The following POF1B variants were observed in gnomAD, a reference collection of about 807,000 sequenced individuals.
The protein encoded by POF1B is POF1B actin binding protein.
Under a neutral mutation model 55.3 loss-of-function variants are expected in POF1B, and 53 were observed. The ratio of observed to expected loss-of-function variants is 0.96; its 90% CI spans 0.77 to 1.20. The LOEUF (loss-of-function observed/expected upper bound fraction) is 1.20. Among genes scored for constraint, POF1B ranks in the 50% most tolerant of loss-of-function variants. The pLI is 0.00. For synonymous variants in POF1B, 188 were observed against 148.3 expected (o/e 1.27, Z -1.95); for missense variants, 478 against 420.5 (o/e 1.14, Z -1.20).
intron 9 of POF1B, among the ~76,000 whole-genome samples, chrX:85,310,980 A>T (rs1261972354): frequency 8.9e-6 from 1 of 111,851 alleles, no homozygotes; most frequent in Admixed American, 9.5e-5. Flanking sequence ...TAAATTCTAT[A>T]TGCAGTGAAA....
chrX:85,315,757 A>G (rs748219895), intron 7 of POF1B, 23 bp from the exon 8 acceptor site: 2 of 1,153,524 alleles, frequency 1.7e-6, no homozygotes, highest in Non-Finnish European at 1.2e-6. Flanking sequence ...AAAAAAAGAT[A>G]CACAACTTTA....
At chrX:85,360,220 G>A (rs988350559) in intron 3 of POF1B, among the ~76,000 whole-genome samples, 5 of 107,055 alleles carry the variant, frequency 4.7e-5, no homozygotes, top group African/African-American at 1.7e-4. Flanking sequence ...GTAAATTCAC[G>A]TCACAGGGGT....
At chrX:85,315,500 A>T (rs953517478) in intron 8 of POF1B, among the ~76,000 whole-genome samples, 1 of 110,938 alleles carries the variant, frequency 9.0e-6, no homozygotes, top group Non-Finnish European at 1.9e-5. Flanking sequence ...GCTGATAACA[A>T]TTTTTTTGTG....
intron 3 of POF1B, among the ~76,000 whole-genome samples, chrX:85,364,712 T>C (rs964732850): frequency 6.3e-5 from 7 of 111,578 alleles, no homozygotes; most frequent in African/African-American, 2.3e-4. Context: ...TTGGAAAATC[T>C]GCTGATTATG....
chrX:85,356,189 C>G (rs1006339773), intron 4 of POF1B, among the ~76,000 whole-genome samples: 9 of 109,899 alleles, frequency 8.2e-5, no homozygotes, highest in African/African-American at 3.0e-4. Flanking sequence ...AACCATCATT[C>G]TCAGTAAACT....
At chrX:85,293,707 C>T (rs1932243775) in intron 15 of POF1B, among the ~76,000 whole-genome samples, 1 of 112,114 alleles carries the variant, frequency 8.9e-6, no homozygotes. Flanking sequence ...GGCATGGTGG[C>T]TCATGTCTGT....
intron 4 of POF1B, among the ~76,000 whole-genome samples, chrX:85,357,030 T>C (rs1246967565): frequency 9.0e-6 from 1 of 111,571 alleles, no homozygotes; most frequent in Non-Finnish European, 1.9e-5. Context: ...TCAAATTCTT[T>C]ACTACGTTGC....
intron 14 of POF1B, among the ~76,000 whole-genome samples, 179 bp downstream of exon 14, chrX:85,304,164 G>T (rs1932518941): frequency 9.0e-6 from 1 of 111,248 alleles, no homozygotes; most frequent in Non-Finnish European, 1.9e-5. Context: ...ACTTTCATTT[G>T]AATTGTGTCT....
At position 85,297,878 on chromosome X, in the gene POF1B, G is replaced by T. The variant is rs370371839; in HGVS notation, c.1649+5528C>A. Among the ~76,000 whole-genome samples the T allele has an allele frequency of 5.3e-5, 6 of 112,162 alleles. No homozygotes were observed. The East Asian group carries it at 1.1e-3, about 21-fold the overall frequency. On this transcript the variant is annotated intron_variant, in intron 15 of 16. Transcript: ENST00000262753. ...GGAGACAGAGGTGTGCCCTGCTTCT[G>T]CACTGGCCTATGAACTCACACCTAA...
intron 7 of POF1B, among the ~76,000 whole-genome samples, chrX:85,324,228 G>A (rs912683871): frequency 2.7e-5 from 3 of 111,487 alleles, no homozygotes; most frequent in Admixed American, 1.9e-4. Flanking sequence ...CTATCTGTTA[G>A]GTCCATTTTG....
chrX:85,291,337 C>A (rs766152658), intron 15 of POF1B, among the ~76,000 whole-genome samples: 1 of 111,612 alleles, frequency 9.0e-6, no homozygotes, highest in East Asian at 2.8e-4. Flanking sequence ...GTTAGTGTAG[C>A]CCTGTAGTAT....
At chrX:85,291,122 C>T (rs772672076) in intron 15 of POF1B, among the ~76,000 whole-genome samples, 2 of 111,499 alleles carry the variant, frequency 1.8e-5, no homozygotes, top group Non-Finnish European at 3.8e-5. Context: ...TATAGTGTAA[C>T]GAGGGGTCCA....
At chrX:85,286,920 A>G (rs748511544) in intron 15 of POF1B, among the ~76,000 whole-genome samples, 12 of 111,570 alleles carry the variant, frequency 1.1e-4, no homozygotes, top group Non-Finnish European at 1.9e-4. Flanking sequence ...GGTAATTGAT[A>G]TAAGTAGAAA....
At chrX:85,286,449 A>G (rs1932057427) in intron 15 of POF1B, among the ~76,000 whole-genome samples, 1 of 111,739 alleles carries the variant, frequency 8.9e-6, no homozygotes, top group Admixed American at 9.6e-5. Context: ...ATCTATCCAT[A>G]TAGATATGTA....
chrX:85,292,236 A>G (rs958617601), intron 15 of POF1B, among the ~76,000 whole-genome samples: 1 of 112,084 alleles, frequency 8.9e-6, no homozygotes, highest in Non-Finnish European at 1.9e-5. Flanking sequence ...GATAAATCAC[A>G]GTTATTAATT....
chrX:85,371,884 A>G (rs73627361), intron 2 of POF1B, among the ~76,000 whole-genome samples: 9,051 of 111,671 alleles, frequency 0.081, 728 homozygotes, highest in African/African-American at 0.24. Context: ...AAACCATTGA[A>G]TTTTTGTTTA....
chrX:85,357,380 T>C (rs1489073855), intron 4 of POF1B, among the ~76,000 whole-genome samples: 1 of 111,007 alleles, frequency 9.0e-6, no homozygotes, highest in East Asian at 2.9e-4. Flanking sequence ...AAGATTCTCA[T>C]TTCTCCTTTA....
intron 15 of POF1B, among the ~76,000 whole-genome samples, chrX:85,288,095 T>A (rs1035054241): frequency 1.7e-4 from 19 of 111,765 alleles, no homozygotes; most frequent in Non-Finnish European, 2.4e-4. Context: ...ACATATTTTT[T>A]AAAAATTAAT....
chrX:85,368,713 T>A (rs780812595), intron 2 of POF1B, among the ~76,000 whole-genome samples: 1 of 111,597 alleles, frequency 9.0e-6, no homozygotes, highest in East Asian at 2.8e-4. Flanking sequence ...TATAATTTTT[T>A]AAAATGGTCC....
Sources: gnomAD v4.1 joint callset for allele counts (sites outside exome capture counted in the v4.1 genomes callset) on GRCh38, gnomAD v4.1.1 for gene constraint, MANE v1.5 for transcripts, NCBI Gene and HGNC (gene_info 2026-07-23, HGNC 2026-07-21) for gene names.